Variants in KIF5C observed in about 807,000 individuals in gnomAD.
KIF5C encodes kinesin heavy chain isoform 5C.
A neutral mutation model predicts 125.2 loss-of-function variants in KIF5C; 18 were observed. That is an observed-to-expected ratio of 0.14 (90% CI 0.10 to 0.21). The LOEUF is 0.21. KIF5C is among the 10% of genes least tolerant of loss of function. The pLI is 1.00. For missense variants in KIF5C, 780 were observed against 1,183.8 expected (o/e 0.66, Z 5.01); for synonymous variants, 405 against 434.0 (o/e 0.93, Z 0.83).
chr2:148,886,449 G>A (rs548069543), intron 1 of KIF5C: 212 of 152,512 alleles, frequency 1.4e-3, no homozygotes, highest in Non-Finnish European at 2.5e-3. Flanking sequence ...AAGGAAATGG[G>A]AAGACTCCAC....
chr2:148,993,021 G>T (rs1681568500), intron 16 of KIF5C, among the ~76,000 whole-genome samples: 2 of 152,158 alleles, frequency 1.3e-5, no homozygotes, highest in Admixed American at 6.5e-5. Context: ...TTTTGCACCC[G>T]GTGTGAACTG....
At chr2:148,959,106 C>T (rs762733886) in intron 10 of KIF5C, among the ~76,000 whole-genome samples, 64 of 152,120 alleles carry the variant, frequency 4.2e-4, no homozygotes, top group Non-Finnish European at 7.1e-4. Flanking sequence ...GAATTTTTTA[C>T]ATGGTATTGG....
chr2:148,982,929 A>G (rs948899213), intron 14 of KIF5C, among the ~76,000 whole-genome samples: 29 of 152,250 alleles, frequency 1.9e-4, no homozygotes, highest in African/African-American at 7.0e-4. Flanking sequence ...GTTAAACGTT[A>G]GTTAAGAATA....
chr2:149,019,356 T>A (rs562396763), intron 25 of KIF5C, among the ~76,000 whole-genome samples: 1 of 152,272 alleles, frequency 6.6e-6, no homozygotes, highest in Admixed American at 6.5e-5. Context: ...TGTTAGCTAA[T>A]GTTAAAGTGG....
At chr2:148,891,132 T>TGTCA (rs1292938931) in intron 1 of KIF5C, among the ~76,000 whole-genome samples, 1 of 152,220 alleles carries the variant, frequency 6.6e-6, no homozygotes, top group Non-Finnish European at 1.5e-5. Context: ...CAGAGTCTCC[T>TGTCA]GAGTGTACAG....
intron 21 of KIF5C, among the ~76,000 whole-genome samples, chr2:149,001,931 C>A (rs1681862331): frequency 6.6e-6 from 1 of 152,144 alleles, no homozygotes; most frequent in South Asian, 2.1e-4. Flanking sequence ...TGCTCTGGCC[C>A]ATGGACTAGT....
intron 1 of KIF5C, among the ~76,000 whole-genome samples, chr2:148,912,148 T>A (rs963846625): frequency 4.6e-5 from 7 of 152,198 alleles, no homozygotes; most frequent in Non-Finnish European, 1.0e-4. Context: ...TTAAAAGTTA[T>A]TGAGTCCATT....
chr2:148,944,604 G>A (rs1682482428), intron 7 of KIF5C, among the ~76,000 whole-genome samples: 1 of 152,168 alleles, frequency 6.6e-6, no homozygotes, highest in Admixed American at 6.5e-5. Context: ...ATGAACATAG[G>A]TGTGCAAACA....
rs952711857 is a variant in KIF5C, at chr2:149,025,217, C to G, written c.*2147C>G. On this transcript the variant is annotated 3_prime_UTR_variant, in exon 26 of 26. Coordinates refer to ENST00000435030, the MANE Select transcript of KIF5C (RefSeq NM_004522.3). ...CTTGATCTCTACAAGGGACTGACAA[C>G]ATTTGCTTTACTTTTATTCACAGAG... 2 of 152,614 alleles carry G rather than the reference C, an allele frequency of 1.3e-5. No individual in the cohort carries two copies. Among genetic ancestry groups the G allele is most frequent in the Admixed American group, 1.3e-4 (2 of 15,278 alleles). 9.5% of individuals were successfully genotyped at this position (152,614 alleles called of 1,614,324 possible).
intron 4 of KIF5C, among the ~76,000 whole-genome samples, chr2:148,938,648 T>TG (rs2105100390): frequency 6.6e-6 from 1 of 152,236 alleles, no homozygotes; most frequent in Non-Finnish European, 1.5e-5. Context: ...ACATGCTGTC[T>TG]GGGGGCCCCC....
chr2:149,022,120 C>T (rs1477652348), intron 25 of KIF5C, among the ~76,000 whole-genome samples: 2 of 152,080 alleles, frequency 1.3e-5, no homozygotes, highest in Non-Finnish European at 2.9e-5. Flanking sequence ...ACGAAGCATA[C>T]CTTTGGGAAC....
intron 14 of KIF5C, among the ~76,000 whole-genome samples, chr2:148,983,043 C>A (rs766302626): frequency 6.6e-6 from 1 of 152,084 alleles, no homozygotes; most frequent in Non-Finnish European, 1.5e-5. Flanking sequence ...AACTATTGAA[C>A]GTAACCTAAT....
Position 148,957,880 on chromosome 2 carries a change from C to A in KIF5C, c.969-4091C>A, listed in dbSNP as rs551065517. Among the ~76,000 whole-genome samples the A allele has an allele frequency of 4.3e-4, 65 of 152,138 alleles. No homozygotes were observed. In the South Asian group the frequency reaches 5.6e-3, roughly 13 times the overall value. On this transcript the variant is annotated intron_variant, in intron 10 of 25. Coordinates refer to ENST00000435030, the MANE Select transcript of KIF5C (RefSeq NM_004522.3). ...ACCCTCTCAGTCAACACCGAACTCT[C>A]AAGGGTAATTGTCACCCTAACTTCC...
At chr2:148,881,724 T>A (rs112853271) in intron 1 of KIF5C, among the ~76,000 whole-genome samples, 1 of 151,252 alleles carries the variant, frequency 6.6e-6, no homozygotes, top group African/African-American at 2.5e-5. Context: ...TACCTCTAAA[T>A]CATCGTGGTG....
At chr2:148,998,734 G>C (rs1352383648) in intron 19 of KIF5C, 1 of 620,988 alleles carries the variant, frequency 1.6e-6, no homozygotes, top group East Asian at 3.2e-5. Context: ...GGGCCCAGCT[G>C]CCTCTCCTAG....
At chr2:148,947,061 C>T in intron 8 of KIF5C, 38 bp downstream of exon 8, 1 of 1,570,786 alleles carries the variant, frequency 6.4e-7, no homozygotes. Flanking sequence ...ATAATTTTCC[C>T]CTTTTATTTG....
intron 21 of KIF5C, among the ~76,000 whole-genome samples, chr2:149,002,486 C>T (rs113275133): frequency 0.024 from 3,650 of 152,292 alleles, 135 homozygotes; most frequent in African/African-American, 0.077. Flanking sequence ...GTACTTACAA[C>T]ACACACTCTT....
Position 148,950,026 on chromosome 2 carries a change from C to G in KIF5C, c.819+83C>G, listed in dbSNP as rs140682649. ...CTCATAGTCCCTTTGCCACACACCC[C>G]AAAGGCTGGTTTGTTTTTCTGTTTG... On this transcript the variant is annotated intron_variant, in intron 9 of 25. Coordinates refer to ENST00000435030, the MANE Select transcript of KIF5C (RefSeq NM_004522.3). 4.3e-5 allele frequency: 65 copies of G among 1,497,928 alleles called. No individual in the cohort carries two copies. In the South Asian group the frequency reaches 5.6e-4, roughly 13 times the overall value. 92.8% of individuals were successfully genotyped at this position (1,497,928 alleles called of 1,614,324 possible).
At position 148,897,530 on chromosome 2, in the gene KIF5C, T is replaced by G. The variant is rs1482782149; in HGVS notation, c.126+21787T>G. Among the ~76,000 whole-genome samples, 36 of 152,128 alleles carry G rather than the reference T, an allele frequency of 2.4e-4. 1 individual carries two copies. Among genetic ancestry groups the G allele is most frequent in the Admixed American group, 2.4e-3 (36 of 15,272 alleles). On this transcript the variant is annotated intron_variant, in intron 1 of 25. Coordinates refer to ENST00000435030, the MANE Select transcript of KIF5C (RefSeq NM_004522.3). ...TATTAATGCAATAAATATTTTTGAG[T>G]CCCAGCTCTGGTCCAGACACTATGC...
Sources: gnomAD v4.1 joint callset for allele counts (sites outside exome capture counted in the v4.1 genomes callset) on GRCh38, gnomAD v4.1.1 for gene constraint, MANE v1.5 for transcripts, NCBI Gene and HGNC (gene_info 2026-07-23, HGNC 2026-07-21) for gene names.